The following GRM5 variants were observed in gnomAD, a reference collection of about 807,000 sequenced individuals.
GRM5 encodes the protein metabotropic glutamate receptor 5.
GRM5 carries 19 observed loss-of-function variants against 83.1 expected under a neutral mutation model. The observed-to-expected ratio is 0.23, with a 90% CI of 0.16 to 0.34. The LOEUF (loss-of-function observed/expected upper bound fraction) is 0.34, where lower values mean the gene tolerates loss of function less well. GRM5 is among the 10% of genes least tolerant of loss of function. The probability of loss-of-function intolerance (pLI) is 1.00; values close to 1 mark genes in which losing one functional copy is unlikely to be tolerated. For synonymous variants in GRM5, 675 were observed against 633.6 expected (o/e 1.07, Z -0.98); for missense variants, 1,160 against 1,588.3 (o/e 0.73, Z 4.58).
At chr11:88,773,305 T>C (rs1422650569) in intron 3 of GRM5, among the ~76,000 whole-genome samples, 1 of 152,160 alleles carries the variant, frequency 6.6e-6, no homozygotes, top group African/African-American at 2.4e-5. Flanking sequence ...GTGGCTGTTT[T>C]TTTTCTTGTA....
intron 6 of GRM5, among the ~76,000 whole-genome samples, chr11:88,592,072 T>A (rs1311853281): frequency 3.3e-5 from 5 of 152,114 alleles, no homozygotes; most frequent in Non-Finnish European, 1.5e-5. Context: ...AAACATTGAG[T>A]CTTACTGGAA....
intron 8 of GRM5, among the ~76,000 whole-genome samples, chr11:88,551,780 A>T (rs1942515036): frequency 6.6e-6 from 1 of 152,152 alleles, no homozygotes. Context: ...GAATTAGATT[A>T]AACAGAGAGT....
At chr11:88,819,858 C>T (rs578128733) in intron 3 of GRM5, among the ~76,000 whole-genome samples, 5 of 152,092 alleles carry the variant, frequency 3.3e-5, no homozygotes, top group East Asian at 1.9e-4. Context: ...GACAAAAAGG[C>T]GAGCAAATAT....
intron 2 of GRM5, among the ~76,000 whole-genome samples, chr11:88,921,878 G>A (rs1201696085): frequency 2.7e-5 from 4 of 149,748 alleles, no homozygotes; most frequent in Non-Finnish European, 5.9e-5. Context: ...AAACCTTTTA[G>A]AATAAATTCA....
At chr11:88,637,298 A>G (rs1939157691) in intron 4 of GRM5, among the ~76,000 whole-genome samples, 1 of 152,028 alleles carries the variant, frequency 6.6e-6, no homozygotes, top group African/African-American at 2.4e-5. Flanking sequence ...GACAAAATTG[A>G]CAAATGGGAT....
chr11:88,709,571 C>A (rs1375038317), intron 3 of GRM5, among the ~76,000 whole-genome samples: 1 of 152,044 alleles, frequency 6.6e-6, no homozygotes, highest in African/African-American at 2.4e-5. Context: ...CAAGGAAATG[C>A]TCTGGAGAGG....
At position 88,946,079 on chromosome 11, in the gene GRM5, C is replaced by A. The variant is rs542944583; in HGVS notation, c.662-95924G>T. On this transcript the variant is annotated intron_variant, in intron 2 of 9. Transcript: ENST00000305447. The stretch of plus-strand genomic sequence containing the variant: ...ACCCCATTAAAAAGTGAGTGAATGA[C>A]ATTAACAGACACTCCTAAAAAGAAA... 2.6e-5 allele frequency among the ~76,000 whole-genome samples: 4 copies of A among 152,072 alleles called. No individual in the cohort carries two copies. The East Asian group carries it at 7.7e-4, about 29-fold the overall frequency.
At chr11:88,771,994 T>A (rs1942747279) in intron 3 of GRM5, among the ~76,000 whole-genome samples, 1 of 151,714 alleles carries the variant, frequency 6.6e-6, no homozygotes, top group Non-Finnish European at 1.5e-5. Context: ...TTACTCAGCA[T>A]ACTGCCCTTG....
intron 2 of GRM5, among the ~76,000 whole-genome samples, chr11:89,031,488 G>A (rs545773652): frequency 4.6e-5 from 7 of 151,912 alleles, no homozygotes; most frequent in East Asian, 3.9e-4. Flanking sequence ...AACTGGCAAT[G>A]TTGTGGAGAA....
At chr11:89,035,895 A>C (rs1222001924) in intron 2 of GRM5, among the ~76,000 whole-genome samples, 7 of 152,038 alleles carry the variant, frequency 4.6e-5, no homozygotes, top group Admixed American at 4.6e-4. Context: ...GGCCCATGGC[A>C]TATCTCAATG....
rs565132907 is a variant in GRM5 at position 89,017,868 on chromosome 11, G to A, written c.661+29344C>T. ...AGAGAAAGGGTCATAAGTGACCCAA[G>A]CATTTAGATAAAAGTCTAGGTCAAT... On this transcript the variant is annotated intron_variant, in intron 2 of 9. Transcript: ENST00000305447. 3.9e-5 allele frequency among the ~76,000 whole-genome samples: 6 copies of A among 152,236 alleles called. No individual in the cohort carries two copies. In the South Asian group the frequency reaches 8.3e-4, roughly 21 times the overall value.
chr11:88,655,352 G>T (rs1477992022), intron 3 of GRM5, among the ~76,000 whole-genome samples: 2 of 151,914 alleles, frequency 1.3e-5, no homozygotes, highest in Admixed American at 1.3e-4. Flanking sequence ...GGCACTCGAG[G>T]AGCAGCATGG....
chr11:88,552,477 T>G (rs987572899), intron 8 of GRM5, among the ~76,000 whole-genome samples: 5 of 152,148 alleles, frequency 3.3e-5, no homozygotes, highest in Admixed American at 6.5e-5. Context: ...CTGCAAAAGT[T>G]TGTCTCTGCT....
intron 2 of GRM5, among the ~76,000 whole-genome samples, chr11:89,031,980 T>C (rs1367721006): frequency 6.6e-6 from 1 of 152,066 alleles, no homozygotes; most frequent in African/African-American, 2.4e-5. Flanking sequence ...ACAGATAGCA[T>C]TTATTGACTG....
chr11:88,672,977 T>C (rs1940229349), intron 3 of GRM5, among the ~76,000 whole-genome samples: 1 of 151,932 alleles, frequency 6.6e-6, no homozygotes, highest in Non-Finnish European at 1.5e-5. Context: ...AAAATGGAGA[T>C]GGCATTTGCA....
intron 2 of GRM5, among the ~76,000 whole-genome samples, chr11:88,930,816 T>A (rs1157104575): frequency 6.6e-6 from 1 of 152,152 alleles, no homozygotes; most frequent in Non-Finnish European, 1.5e-5. Flanking sequence ...CCAACAGTGC[T>A]GGGATTACAG....
At chr11:88,690,806 G>A (rs1940763442) in intron 3 of GRM5, among the ~76,000 whole-genome samples, 1 of 152,180 alleles carries the variant, frequency 6.6e-6, no homozygotes, top group South Asian at 2.1e-4. Context: ...TTGGCCAGAG[G>A]TACAACCTGC....
intron 3 of GRM5, among the ~76,000 whole-genome samples, chr11:88,828,553 A>G (rs1943932624): frequency 6.6e-6 from 1 of 152,228 alleles, no homozygotes; most frequent in Non-Finnish European, 1.5e-5. Context: ...TTATTTCTAA[A>G]TAGTAAAATA....
chr11:88,688,883 G>A (rs1400714120), intron 3 of GRM5, among the ~76,000 whole-genome samples: 2 of 152,034 alleles, frequency 1.3e-5, no homozygotes, highest in East Asian at 3.9e-4. Context: ...ACCTCCATGA[G>A]ACATGCTTTC....
Sources: allele counts gnomAD v4.1 joint callset (sites outside exome capture counted in the v4.1 genomes callset), GRCh38; gene constraint gnomAD v4.1.1; transcripts MANE v1.5; gene names NCBI Gene and HGNC (gene_info 2026-07-23, HGNC 2026-07-21).